The following ANO1 variants were observed in gnomAD, a reference collection of about 807,000 sequenced individuals.
ANO1 encodes anoctamin-1.
Under a neutral mutation model 124.0 loss-of-function variants are expected in ANO1, and 59 were observed. The observed-to-expected ratio is 0.48, with a 90% CI of 0.39 to 0.59. The LOEUF (loss-of-function observed/expected upper bound fraction) is 0.59, where lower values mean the gene tolerates loss of function less well. Among genes scored for constraint, ANO1 ranks in the 20% least tolerant of loss-of-function variants. The probability of loss-of-function intolerance (pLI) is 0.00; values close to 1 mark genes in which losing one functional copy is unlikely to be tolerated. For synonymous variants in ANO1, 529 were observed against 532.0 expected, an observed-to-expected ratio of 0.99 and a Z score of 0.08; for missense variants, 1,059 against 1,328.0, an observed-to-expected ratio of 0.80 and a Z score of 3.15.
At chr11:70,166,035 GGCC>G (rs1251429232) in intron 20 of ANO1, among the ~76,000 whole-genome samples, 2 of 151,492 alleles carry the variant, frequency 1.3e-5, no homozygotes, top group Non-Finnish European at 2.9e-5. Context: ...ATAAAAACAG[GGCC>G]GCGCACAGTG....
At chr11:70,151,724 G>A (rs1428548806) in intron 12 of ANO1, among the ~76,000 whole-genome samples, 1 of 152,200 alleles carries the variant, frequency 6.6e-6, no homozygotes, top group Non-Finnish European at 1.5e-5. Context: ...GCTGGTCAGG[G>A]ACTCCTTTGG....
intron 11 of ANO1, among the ~76,000 whole-genome samples, chr11:70,145,597 C>T (rs980734795): frequency 6.6e-6 from 1 of 152,082 alleles, no homozygotes; most frequent in African/African-American, 2.4e-5. Context: ...CAGGACAGGG[C>T]CTTTGCTTCT....
chr11:70,187,539 A>G (rs2049181867), intron 25 of ANO1, among the ~76,000 whole-genome samples, 199 bp from the exon 26 acceptor site: 1 of 152,108 alleles, frequency 6.6e-6, no homozygotes, highest in Admixed American at 6.5e-5. Context: ...TTGTTCGAGA[A>G]AGTCGGCCAA....
intron 11 of ANO1, among the ~76,000 whole-genome samples, chr11:70,143,338 C>T (rs888475419): frequency 6.6e-6 from 1 of 152,094 alleles, no homozygotes; most frequent in Non-Finnish European, 1.5e-5. Context: ...AGAGAGAGCT[C>T]AGAAAGGGAG....
intron 2 of ANO1, 52 bp from the exon 3 acceptor site, chr11:70,103,014 C>A (rs947298269): frequency 4.5e-5 from 59 of 1,310,452 alleles, no homozygotes; most frequent in Non-Finnish European, 5.4e-5. Context: ...AGGTGGTTTT[C>A]CACAGAGATG....
chr11:70,019,237 A>ACCCCCCC (rs200316253), intron 1 of ANO1, among the ~76,000 whole-genome samples: 1 of 68,680 alleles, frequency 1.5e-5, no homozygotes, highest in East Asian at 4.1e-4. Context: ...GGAAAGAAGA[A>ACCCCCCC]CCCCCCCACA....
the ANO1 span, among the ~76,000 whole-genome samples, chr11:69,975,152 A>C: frequency 6.6e-6 from 1 of 152,160 alleles, no homozygotes; most frequent in African/African-American, 2.4e-5. Context: ...TCAGAGGCTG[A>C]GCCTCTCACA....
chr11:69,998,180 T>G (rs1251839724), intron 1 of ANO1, among the ~76,000 whole-genome samples: 1 of 152,232 alleles, frequency 6.6e-6, no homozygotes, highest in Non-Finnish European at 1.5e-5. Context: ...TAGACTGAGC[T>G]GTAATTTACA....
chr11:69,990,794 G>T (rs1167518360), intron 1 of ANO1, among the ~76,000 whole-genome samples: 1 of 152,060 alleles, frequency 6.6e-6, no homozygotes. Flanking sequence ...CAATTCCTTT[G>T]TCTATTTTCT....
At chr11:70,118,319 A>ATAAG (rs1208211055) in intron 8 of ANO1, among the ~76,000 whole-genome samples, 1 of 152,144 alleles carries the variant, frequency 6.6e-6, no homozygotes, top group Non-Finnish European at 1.5e-5. Context: ...CATTTGAGAA[A>ATAAG]TACCTACTGG....
At chr11:70,007,520 C>T (rs1440690504) in intron 1 of ANO1, among the ~76,000 whole-genome samples, 1 of 152,086 alleles carries the variant, frequency 6.6e-6, no homozygotes, top group African/African-American at 2.4e-5. Context: ...TCGTGATCCG[C>T]CGGCCCATCT....
intron 22 of ANO1, among the ~76,000 whole-genome samples, chr11:70,176,696 G>A (rs1434495992): frequency 2.6e-5 from 4 of 152,068 alleles, no homozygotes; most frequent in Non-Finnish European, 4.4e-5. Context: ...CCCTCCTCCC[G>A]CCCCCTGCTT....
At chr11:70,123,884 T>TG (rs1008297099) in intron 8 of ANO1, among the ~76,000 whole-genome samples, 23 of 152,174 alleles carry the variant, frequency 1.5e-4, no homozygotes, top group East Asian at 3.9e-4. Context: ...GCCCAAAGCC[T>TG]GGGGGGGTAA....
At position 70,010,179 on chromosome 11, in the gene ANO1, G is replaced by GTGTATATATATATGTGTA; in HGVS notation, c.58+24014_58+24015insGTATATATATATGTGTAT. Among the ~76,000 whole-genome samples, 631 of 83,806 alleles carry GTGTATATATATATGTGTA rather than the reference G, an allele frequency of 7.5e-3. 56 individuals carry two copies. Among genetic ancestry groups the GTGTATATATATATGTGTA allele is most frequent in the African/African-American group, 0.028 (600 of 21,328 alleles). The allele number at this position is 83,806 out of a possible 152,430, so 55.0% of individuals were successfully genotyped here. A position where few individuals can be genotyped will look rare whatever the true frequency, so the allele number is the denominator to read the frequency against. ...TGTGTGTGTGTGCGCGTGTGTGTGT[G>GTGTATATATATATGTGTA]TATATATATATATATATATCACATT... On this transcript the variant is annotated intron_variant, in intron 1 of 27. Coordinates refer to the ANO1 transcript ENST00000531349.
chr11:70,156,780 T>C (rs3781659), intron 15 of ANO1, among the ~76,000 whole-genome samples, 167 bp from the exon 16 acceptor site: 15,217 of 152,268 alleles, frequency 0.1, 926 homozygotes, highest in Middle Eastern at 0.17. Flanking sequence ...ACCCTATGCG[T>C]TTGCACTGGC....
At chr11:70,162,292 G>T (rs2048084198) in intron 18 of ANO1, among the ~76,000 whole-genome samples, 1 of 151,896 alleles carries the variant, frequency 6.6e-6, no homozygotes, top group African/African-American at 2.4e-5. Flanking sequence ...GGGCAGTGGG[G>T]ACCCCAGGCA....
intron 1 of ANO1, among the ~76,000 whole-genome samples, chr11:70,034,358 G>A (rs1016109336): frequency 6.6e-6 from 1 of 152,082 alleles, no homozygotes; most frequent in Non-Finnish European, 1.5e-5. Flanking sequence ...CTTTCTAGAC[G>A]TGATGACTGC....
intron 2 of ANO1, 75 bp from the exon 3 acceptor site, chr11:70,102,991 C>G: frequency 2.0e-6 from 2 of 1,021,166 alleles, no homozygotes; most frequent in Non-Finnish European, 2.9e-6. Flanking sequence ...ATTGTGGTGG[C>G]CTCTGAAGAT....
chr11:70,092,899 A>G (rs745862506), intron 2 of ANO1, among the ~76,000 whole-genome samples: 7 of 152,174 alleles, frequency 4.6e-5, no homozygotes, highest in Admixed American at 1.3e-4. Flanking sequence ...AAGTGGGTTT[A>G]CAGGAGGGGC....
Sources: allele counts gnomAD v4.1 joint callset (sites outside exome capture counted in the v4.1 genomes callset), GRCh38; gene constraint gnomAD v4.1.1; transcripts MANE v1.5; gene names NCBI Gene and HGNC (gene_info 2026-07-23, HGNC 2026-07-21).